The following DPF3 variants were observed in gnomAD, a reference collection of about 807,000 sequenced individuals.
DPF3 encodes zinc finger protein DPF3.
A neutral mutation model predicts 56.8 loss-of-function variants in DPF3; 18 were observed. The ratio of observed to expected loss-of-function variants is 0.32; its 90% CI spans 0.22 to 0.47. DPF3 has a LOEUF of 0.47. DPF3 is among the 20% of genes least tolerant of loss of function. DPF3 has a pLI of 1.00. For synonymous variants in DPF3, 188 were observed against 180.2 expected, an observed-to-expected ratio of 1.04 and a Z score of -0.35; for missense variants, 403 against 488.8, an observed-to-expected ratio of 0.82 and a Z score of 1.65.
intron 1 of DPF3, chr14:72,892,681 G>C (rs2140139129): frequency 9.7e-7 from 1 of 1,027,496 alleles, no homozygotes; most frequent in Non-Finnish European, 1.2e-6. Flanking sequence ...GGTCGACAGC[G>C]GCCACGCACC....
intron 1 of DPF3, among the ~76,000 whole-genome samples, chr14:72,829,184 T>C (rs1340124141): frequency 6.6e-6 from 1 of 152,198 alleles, no homozygotes; most frequent in Non-Finnish European, 1.5e-5. Flanking sequence ...ACTTTATACA[T>C]GTGCACTTTT....
chr14:72,702,945 C>A (rs1484279919), intron 6 of DPF3, among the ~76,000 whole-genome samples: 2 of 152,210 alleles, frequency 1.3e-5, no homozygotes, highest in East Asian at 3.8e-4. Context: ...GGGGGTCTGG[C>A]TCTGGGTCTG....
At chr14:72,744,205 G>A (rs1489566206) in intron 3 of DPF3, among the ~76,000 whole-genome samples, 1 of 152,196 alleles carries the variant, frequency 6.6e-6, no homozygotes, top group African/African-American at 2.4e-5. Context: ...GAGGACAGCA[G>A]GACTGGGAGT....
At chr14:72,859,469 T>TCC (rs112629015) in intron 1 of DPF3, among the ~76,000 whole-genome samples, 126 of 60,696 alleles carry the variant, frequency 2.1e-3, no homozygotes, top group African/African-American at 5.8e-3. Context: ...TGCAGCTTCC[T>TCC]CCCCCCCCCC....
intron 9 of DPF3, among the ~76,000 whole-genome samples, chr14:72,628,162 G>C (rs1884945654): frequency 6.6e-6 from 1 of 152,080 alleles, no homozygotes; most frequent in African/African-American, 2.4e-5. Flanking sequence ...CATAGTTATA[G>C]AGATAGTGAG....
At chr14:72,836,362 A>T in intron 1 of DPF3, 2 of 985,356 alleles carry the variant, frequency 2.0e-6, no homozygotes, top group Non-Finnish European at 2.4e-6. Flanking sequence ...GCACACCAGC[A>T]CTCCAGAGAA....
chr14:72,729,108 G>C (rs1342816697), intron 4 of DPF3, among the ~76,000 whole-genome samples: 1 of 151,954 alleles, frequency 6.6e-6, no homozygotes, highest in Non-Finnish European at 1.5e-5. Context: ...ATCAGCCAGA[G>C]GTGGTGGTGC....
chr14:72,689,484 A>C (rs1157488631), intron 7 of DPF3, among the ~76,000 whole-genome samples: 1 of 152,038 alleles, frequency 6.6e-6, no homozygotes, highest in African/African-American at 2.4e-5. Context: ...CCCCTCCAAA[A>C]GCCTCACCAA....
rs1213189572 is a variant in DPF3 at position 72,612,469 on chromosome 14, T to C, written c.*6828A>G. ...AGTACCTAATTTAGGCTTCTTCAAC[T>C]ACATGTTGAAAATGTGCACGGGGTA... On this transcript the variant is annotated 3_prime_UTR_variant, in exon 11 of 11. Coordinates refer to ENST00000556509, the MANE Select transcript of DPF3 (RefSeq NM_001280542.3). The C allele has an allele frequency of 1.9e-6, 1 of 518,768 alleles. No homozygotes were observed. The highest frequency in any genetic ancestry group is 1.9e-5 in the Admixed American group (1 of 51,576). 32.1% of individuals were successfully genotyped at this position (518,768 alleles called of 1,614,324 possible). A position where few individuals can be genotyped will look rare whatever the true frequency, so the allele number is the denominator to read the frequency against.
At chr14:72,703,232 G>A (rs956252409) in intron 6 of DPF3, among the ~76,000 whole-genome samples, 3 of 152,106 alleles carry the variant, frequency 2.0e-5, no homozygotes, top group African/African-American at 7.2e-5. Context: ...GGCCACCCTT[G>A]ATGCTTATTT....
chr14:72,666,756 A>G (rs1886460370), intron 8 of DPF3, among the ~76,000 whole-genome samples: 1 of 152,034 alleles, frequency 6.6e-6, no homozygotes, highest in Admixed American at 6.6e-5. Context: ...TGTCATCTCC[A>G]CTCTAGGCTT....
intron 1 of DPF3, among the ~76,000 whole-genome samples, chr14:72,779,944 C>T (rs1170908569): frequency 1.3e-5 from 2 of 152,368 alleles, no homozygotes; most frequent in South Asian, 4.1e-4. Context: ...GCAGCTGATG[C>T]ATGGTGACCC....
intron 6 of DPF3, among the ~76,000 whole-genome samples, chr14:72,704,643 C>A (rs1263617869): frequency 6.6e-6 from 1 of 152,126 alleles, no homozygotes; most frequent in African/African-American, 2.4e-5. Flanking sequence ...TGGATTCCTG[C>A]CATTTCCACC....
chr14:72,665,087 G>A (rs185661263), intron 8 of DPF3, among the ~76,000 whole-genome samples: 15 of 152,154 alleles, frequency 9.9e-5, no homozygotes, highest in Admixed American at 6.5e-4. Flanking sequence ...CAACAGCAAC[G>A]GTCCATCTGG....
Position 72,777,204 on chromosome 14 carries a change from G to A in DPF3, c.33-5311C>T, listed in dbSNP as rs541497206. ...GCTGTCTCACTCAGCTGTTCACACC[G>A]CCAGAGCCGCCCACAAACACACACG... On this transcript the variant is annotated intron_variant, in intron 1 of 10. Coordinates refer to ENST00000556509, the MANE Select transcript of DPF3 (RefSeq NM_001280542.3). Among the ~76,000 whole-genome samples, 8 of 152,160 alleles carry A rather than the reference G, an allele frequency of 5.3e-5. No individual in the cohort carries two copies. The East Asian group carries it at 1.2e-3, about 22-fold the overall frequency.
Position 72,674,371 on chromosome 14 carries a change from G to A in DPF3, c.743-3C>T. On this transcript the variant is annotated splice_polypyrimidine_tract_variant and splice_region_variant and intron_variant, in intron 7 of 10. Transcript: ENST00000556509. ...TGTTCCATCCGGTCCTTTCTGGGCT[G>A]TGGGAACATTTAAAACATTCCAATT... 1 of 1,611,762 alleles carries A rather than the reference G, an allele frequency of 6.2e-7. No individual in the cohort carries two copies.
At chr14:72,691,666 G>T (rs1157060531) in intron 7 of DPF3, among the ~76,000 whole-genome samples, 2 of 151,954 alleles carry the variant, frequency 1.3e-5, no homozygotes. Context: ...GGCAGAGGTT[G>T]CAGTGAGCCA....
At chr14:72,666,117 A>G (rs1258313511) in intron 8 of DPF3, among the ~76,000 whole-genome samples, 1 of 152,178 alleles carries the variant, frequency 6.6e-6, no homozygotes, top group Non-Finnish European at 1.5e-5. Flanking sequence ...AAACACCACA[A>G]TATTATATAA....
chr14:72,865,801 C>T (rs1255576534), intron 1 of DPF3, among the ~76,000 whole-genome samples: 2 of 152,188 alleles, frequency 1.3e-5, no homozygotes, highest in Non-Finnish European at 1.5e-5. Context: ...AATCCCAGCC[C>T]TTTGGGAGGC....
Sources: gnomAD v4.1 joint callset for allele counts (sites outside exome capture counted in the v4.1 genomes callset) on GRCh38, gnomAD v4.1.1 for gene constraint, MANE v1.5 for transcripts, NCBI Gene and HGNC (gene_info 2026-07-23, HGNC 2026-07-21) for gene names.